The following UPF1 variants were observed in gnomAD, a reference collection of about 807,000 sequenced individuals.
UPF1 encodes regulator of nonsense transcripts 1.
In UPF1, 9 loss-of-function variants were observed where a neutral mutation model predicts 129.2. The observed-to-expected ratio is 0.07, with a 90% confidence interval of 0.04 to 0.12. The LOEUF is 0.12. Among genes scored for constraint, UPF1 ranks in the 10% least tolerant of loss-of-function variants. UPF1 has a pLI of 1.00. For missense variants in UPF1, 788 were observed against 1,525.3 expected (o/e 0.52, Z 8.05); for synonymous variants, 649 against 644.9 (o/e 1.01, Z -0.10).
At chr19:18,834,976 C>T (rs1160869383) in intron 1 of UPF1, among the ~76,000 whole-genome samples, 12 of 152,262 alleles carry the variant, frequency 7.9e-5, no homozygotes, top group Admixed American at 5.9e-4. Context: ...ATACAATTTA[C>T]CCATATAAAG....
chr19:18,853,394 A>G lies in UPF1; in HGVS notation c.1156+44A>G, dbSNP rs560528193. 6 of 1,543,022 alleles carry G rather than the reference A, an allele frequency of 3.9e-6. No homozygotes were observed. The South Asian group carries it at 7.4e-5, about 19-fold the overall frequency. ...GGGTGTGGCCGGCTGGTGGGAGAGG[A>G]AAGTGGGGGCATCAGGTGGAGGCCA... On this transcript the variant is annotated intron_variant, in intron 8 of 23. Coordinates refer to ENST00000262803, the MANE Select transcript of UPF1 (RefSeq NM_002911.4). The surrounding 1 kb of genome is among the most constrained non-coding windows in gnomAD (Gnocchi z 4.4).
intron 3 of UPF1, 111 bp downstream of exon 3, chr19:18,847,944 G>C: frequency 3.3e-6 from 4 of 1,206,854 alleles, no homozygotes; most frequent in Non-Finnish European, 4.7e-6. Flanking sequence ...TAACAAACCT[G>C]GGTTTTTTCC....
Position 18,860,372 on chromosome 19 carries a change from C to T in UPF1, c.2234C>T (p.Pro745Leu). Reference protein sequence around the residue: ...FDFQWPQPDKPMFFYVTQGQE... With the variant: ...FDFQWPQPDKLMFFYVTQGQE... ...TTCCAGTGGCCCCAACCCGATAAAC[C>T]GATGTTCTTCTACGTGACCCAGGGC... Residue 745 changes from proline (P) to leucine (L), a missense_variant, in exon 16 of 24, where the codon CCG (proline) becomes CTG (leucine). This residue lies in a region of UPF1 where 140 missense variants were observed against 385.9 expected (regional missense o/e 0.36). Coordinates refer to ENST00000262803, the MANE Select transcript of UPF1 (RefSeq NM_002911.4). 6.2e-7 allele frequency: 1 copy of T among 1,614,098 alleles called. No homozygotes were observed. Among genetic ancestry groups the T allele is most frequent in the Non-Finnish European group, 8.5e-7 (1 of 1,180,020 alleles).
In UPF1 at chr19:18,846,601, A is replaced by G. The variant is rs2055603077; in HGVS notation, c.371+482A>G. On this transcript the variant is annotated intron_variant, in intron 2 of 23. Transcript: ENST00000262803. ...TAGTGGATAGACCTGCATGTTGACA[A>G]ATTTAGAATTCTCATCTCGAGTGGG... Among the ~76,000 whole-genome samples, 5 of 152,044 alleles carry G rather than the reference A, an allele frequency of 3.3e-5. No homozygotes were observed. In the South Asian group the frequency reaches 1.0e-3, roughly 32 times the overall value.
intron 15 of UPF1, 83 bp from the exon 16 acceptor site, chr19:18,860,238 T>C (rs2055763097): frequency 7.2e-7 from 1 of 1,395,320 alleles, no homozygotes; most frequent in Non-Finnish European, 1.0e-6. Context: ...CACTGTAGCG[T>C]AGCAACTACA....
Position 18,852,091 on chromosome 19 carries a change from A to T in UPF1, c.811-44A>T, listed in dbSNP as rs200458180. 20 of 1,546,664 alleles carry T rather than the reference A, an allele frequency of 1.3e-5. No individual in the cohort carries two copies. In the African/African-American group the frequency reaches 2.6e-4, roughly 20 times the overall value. ...TCTGCGCCCTCGTTCATTTGCATGTAGGGAAAAACAGGACGAGTGTGGCGC... is the reference window on the plus strand; with the variant it reads ...TCTGCGCCCTCGTTCATTTGCATGTTGGGAAAAACAGGACGAGTGTGGCGC... On this transcript the variant is annotated intron_variant, in intron 5 of 23. Transcript: ENST00000262803.
Position 18,847,770 on chromosome 19 carries a change from G to C in UPF1, c.398G>C (p.Cys133Ser). ...TACTGTGGAATACACGATCCTGCCT[G>C]CGTGGTTTACTGTAATACCAGCAAG... is the stretch of plus-strand genomic sequence containing the variant. ...CSYCGIHDPACVVYCNTSKKW... is the reference protein window; with the variant it reads ...CSYCGIHDPASVVYCNTSKKW... The change falls in exon 3 of 24, where the codon TGC (cysteine) becomes TCC (serine). Residue 133 changes from cysteine to serine, a missense_variant. This residue lies in a region of UPF1 where 227 missense variants were observed against 517.9 expected (regional missense o/e 0.44). Coordinates refer to ENST00000262803, the MANE Select transcript of UPF1 (RefSeq NM_002911.4). 9 of 1,614,236 alleles carry C rather than the reference G, an allele frequency of 5.6e-6. No homozygotes were observed. The highest frequency in any genetic ancestry group is 7.6e-6 in the Non-Finnish European group (9 of 1,180,038).
In UPF1 at chr19:18,853,210, C is replaced by T. The variant is rs375798101; in HGVS notation, c.1058-42C>T. The T allele has an allele frequency of 8.8e-5, 141 of 1,599,344 alleles. No homozygotes were observed. The highest frequency in any genetic ancestry group is 1.1e-4 in the Non-Finnish European group (128 of 1,170,536). On this transcript the variant is annotated intron_variant, in intron 7 of 23. Transcript: ENST00000262803. This position sits in a 1 kb window ranked among gnomAD's most constrained non-coding sequence, Gnocchi z 4.4. The stretch of plus-strand genomic sequence containing the variant: ...GAACTCTCCCTGGTGGAAGCGACGG[C>T]GTGGGTTAAAATGGCCACCTCTCTC...
rs1474020071 is a variant in UPF1 at position 18,832,362 on chromosome 19, C to T, written c.153C>T (p.Pro51=). ...PSQTQTPPGG[P]GGPGGGGAGG... is the part of the protein sequence containing the mutation. ...AGACGCAGACGCCCCCCGGCGGCCC[C>T]GGCGGCCCGGGCGGTGGCGGCGCGG... The change falls in exon 1 of 24, where the codon CCC becomes CCT. Residue 51 remains proline (P), a synonymous_variant. Coordinates refer to ENST00000262803, the MANE Select transcript of UPF1 (RefSeq NM_002911.4). This position sits in a 1 kb window ranked among gnomAD's most constrained non-coding sequence, Gnocchi z 5.6. 7.5e-7 allele frequency: 1 copy of T among 1,327,928 alleles called. No individual in the cohort carries two copies. Among genetic ancestry groups the T allele is most frequent in the East Asian group, 3.6e-5 (1 of 27,966 alleles). 82.3% of individuals were successfully genotyped at this position (1,327,928 alleles called of 1,614,324 possible).
intron 8 of UPF1, among the ~76,000 whole-genome samples, chr19:18,854,056 C>T (rs117758034): frequency 0.026 from 4,008 of 152,180 alleles, 95 homozygotes; most frequent in Non-Finnish European, 0.039. Context: ...GGCTCGGGGT[C>T]GAGGGAAGGG....
chr19:18,852,178 T>C lies in UPF1; in HGVS notation c.854T>C (p.Val285Ala), dbSNP rs756721195. The C allele has an allele frequency of 6.2e-7, 1 of 1,612,740 alleles. No homozygotes were observed. Among genetic ancestry groups the C allele is most frequent in the Non-Finnish European group, 8.5e-7 (1 of 1,179,274 alleles). The change falls in exon 6 of 24, where the codon GTG (valine) becomes GCG (alanine). Residue 285 changes from valine to alanine, a missense_variant. This residue lies in a region of UPF1 where 227 missense variants were observed against 517.9 expected (regional missense o/e 0.44). Coordinates refer to ENST00000262803, the MANE Select transcript of UPF1 (RefSeq NM_002911.4). ...CTGGAGGACCTGGAGAAGCCGGGGG[T>C]GGACGAGGAGCCGCAGCATGTCCTC... ...ATLEDLEKPG[V>A]DEEPQHVLLR...
At chr19:18,861,362 AAC>A (rs1344843051) in intron 17 of UPF1, among the ~76,000 whole-genome samples, 1 of 152,202 alleles carries the variant, frequency 6.6e-6, no homozygotes, top group Non-Finnish European at 1.5e-5. Context: ...ACCCGGATGA[AAC>A]ACCCACTGCG....
chr19:18,865,332 C>T lies in UPF1; in HGVS notation c.2901C>T (p.Gly967=), dbSNP rs771675076. ...SMYFQTHDQI[G]MISAGPSHVA... is the part of the protein sequence containing the mutation. Reference sequence around the variant, plus strand: ...ACTTCCAGACCCATGACCAGATTGGCATGATCAGTGCCGGCCCTAGCCACG... The same window carrying T: ...ACTTCCAGACCCATGACCAGATTGGTATGATCAGTGCCGGCCCTAGCCACG... The change falls in exon 21 of 24, where the codon GGC becomes GGT. Residue 967 remains glycine (G), a synonymous_variant. Coordinates refer to ENST00000262803, the MANE Select transcript of UPF1 (RefSeq NM_002911.4). This position sits in a 1 kb window ranked among gnomAD's most constrained non-coding sequence, Gnocchi z 6.1. 2 of 1,613,680 alleles carry T rather than the reference C, an allele frequency of 1.2e-6. No individual in the cohort carries two copies. Among genetic ancestry groups the T allele is most frequent in the South Asian group, 1.1e-5 (1 of 91,072 alleles).
At position 18,832,192 on chromosome 19, in the gene UPF1, G is replaced by A; in HGVS notation, c.-18G>A. 3 of 1,531,656 alleles carry A rather than the reference G, an allele frequency of 2.0e-6. No individual in the cohort carries two copies. The highest frequency in any genetic ancestry group is 1.8e-6 in the Non-Finnish European group (2 of 1,137,830). The allele number at this position is 1,531,656 out of a possible 1,614,324, so 94.9% of individuals were successfully genotyped here. On this transcript the variant is annotated 5_prime_UTR_variant, in exon 1 of 24. Coordinates refer to ENST00000262803, the MANE Select transcript of UPF1 (RefSeq NM_002911.4). This position sits in a 1 kb window ranked among gnomAD's most constrained non-coding sequence, Gnocchi z 5.6. ...AGTGCAGCGCGGAACCGGCCCGAGG[G>A]CCCTACCCGGAGGCACCATGAGCGT...
chr19:18,857,035 C>CA lies in UPF1; in HGVS notation c.1968+15_1968+16insA. 9 of 1,600,656 alleles carry CA rather than the reference C, an allele frequency of 5.6e-6. No individual in the cohort carries two copies. The highest frequency in any genetic ancestry group is 7.7e-6 in the Non-Finnish European group (9 of 1,173,404). On this transcript the variant is annotated intron_variant, in intron 14 of 23. Transcript: ENST00000262803. ...GGGCCAAGCAGGTGGGCTGCCTCCC[C>CA]TGCCCTCCTGTGTGAAAACTCGTGT...
At position 18,850,759 on chromosome 19, in the gene UPF1, A is replaced by T; in HGVS notation, c.701A>T (p.Gln234Leu). Residue 234 changes from glutamine (Q) to leucine (L), a missense_variant, in exon 5 of 24, where the codon CAG becomes CTG. By Grantham distance (113) the Gln-to-Leu change is moderately radical. This residue lies in a region of UPF1 where 227 missense variants were observed against 517.9 expected (regional missense o/e 0.44). Coordinates refer to ENST00000262803, the MANE Select transcript of UPF1 (RefSeq NM_002911.4). This position sits in a 1 kb window ranked among gnomAD's most constrained non-coding sequence, Gnocchi z 7.1. ...AGCTCGCAGTGGCAGCCGCTGATCCAGGACCGCTGCTTCCTGTCCTGGCTG... is the reference window on the plus strand; with the variant it reads ...AGCTCGCAGTGGCAGCCGCTGATCCTGGACCGCTGCTTCCTGTCCTGGCTG... ...WDSSQWQPLI[Q>L]DRCFLSWLVK... 6.2e-7 allele frequency: 1 copy of T among 1,611,838 alleles called. No individual in the cohort carries two copies. The highest frequency in any genetic ancestry group is 8.5e-7 in the Non-Finnish European group (1 of 1,179,558).
chr19:18,863,447 C>T lies in UPF1; in HGVS notation c.2610C>T (p.Val870=). ...NVALTRARYG[V]IIVGNPKALS... is the part of the protein sequence containing the mutation. ...TGCGCCCTTGTTGCAGGTATGGCGTCATCATTGTGGGCAACCCGAAGGCAC... is the reference window on the plus strand; with the variant it reads ...TGCGCCCTTGTTGCAGGTATGGCGTTATCATTGTGGGCAACCCGAAGGCAC... Residue 870 remains valine (V), a synonymous_variant, in exon 19 of 24, where the codon GTC becomes GTT. Coordinates refer to ENST00000262803, the MANE Select transcript of UPF1 (RefSeq NM_002911.4). 1 of 1,613,384 alleles carries T rather than the reference C, an allele frequency of 6.2e-7. No individual in the cohort carries two copies. Among genetic ancestry groups the T allele is most frequent in the Non-Finnish European group, 8.5e-7 (1 of 1,179,476 alleles).
Position 18,853,198 on chromosome 19 carries a change from T to C in UPF1, c.1058-54T>C. 6.3e-7 allele frequency: 1 copy of C among 1,598,908 alleles called. No homozygotes were observed. The highest frequency in any genetic ancestry group is 1.1e-5 in the South Asian group (1 of 89,840). ...GCCCCTTAATTTGAACTCTCCCTGGTGGAAGCGACGGCGTGGGTTAAAATG... is the reference window on the plus strand; with the variant it reads ...GCCCCTTAATTTGAACTCTCCCTGGCGGAAGCGACGGCGTGGGTTAAAATG... On this transcript the variant is annotated intron_variant, in intron 7 of 23. Coordinates refer to ENST00000262803, the MANE Select transcript of UPF1 (RefSeq NM_002911.4). The surrounding 1 kb of genome is among the most constrained non-coding windows in gnomAD (Gnocchi z 4.4).
intron 1 of UPF1, among the ~76,000 whole-genome samples, chr19:18,837,486 CT>C (rs1316981814): frequency 6.6e-6 from 1 of 152,224 alleles, no homozygotes; most frequent in East Asian, 1.9e-4. Flanking sequence ...GACAGCATCT[CT>C]TCATGAGAAC....
Sources: allele counts gnomAD v4.1 joint callset (sites outside exome capture counted in the v4.1 genomes callset), GRCh38; gene constraint gnomAD v4.1.1; regional missense constraint gnomAD v4.1.1; non-coding constraint Gnocchi (gnomAD v3.1); transcripts MANE v1.5; gene names NCBI Gene and HGNC (gene_info 2026-07-23, HGNC 2026-07-21).